The following EDA2R variants were observed in gnomAD, a reference collection of about 807,000 sequenced individuals.
EDA2R encodes the protein tumor necrosis factor receptor superfamily member 27.
EDA2R carries 26 observed loss-of-function variants against 20.1 expected under a neutral mutation model. The ratio of observed to expected loss-of-function variants is 1.30; its 90% CI spans 0.95 to 1.80. EDA2R has a LOEUF of 1.80. Ranked by LOEUF, EDA2R falls within the 40% of genes most tolerant of loss-of-function variation. The probability of loss-of-function intolerance (pLI) is 0.00; values close to 1 mark genes in which losing one functional copy is unlikely to be tolerated. For missense variants in EDA2R, 277 were observed against 228.7 expected, an observed-to-expected ratio of 1.21 and a Z score of -1.36; for synonymous variants, 114 against 88.7, an observed-to-expected ratio of 1.29 and a Z score of -1.60.
intron 3 of EDA2R, 85 bp downstream of exon 3, chrX:66,604,963 G>A (rs979199177): frequency 3.4e-5 from 28 of 831,664 alleles, no homozygotes; most frequent in East Asian, 1.7e-4. Flanking sequence ...AGAATATTTC[G>A]ACTAAGTTCT....
chrX:66,614,192 G>C (rs1230324242), intron 2 of EDA2R, among the ~76,000 whole-genome samples: 1 of 111,436 alleles, frequency 9.0e-6, no homozygotes, highest in Non-Finnish European at 1.9e-5. Context: ...TCCTGACTTT[G>C]ACTATTGTAT....
chrX:66,608,066 A>G (rs754082371), intron 2 of EDA2R, among the ~76,000 whole-genome samples: 1 of 112,262 alleles, frequency 8.9e-6, no homozygotes, highest in East Asian at 2.8e-4. Flanking sequence ...GGAGCTAAAA[A>G]GTAAGATAAA....
At chrX:66,633,026 G>A (rs968738279) in intron 1 of EDA2R, among the ~76,000 whole-genome samples, 1 of 111,264 alleles carries the variant, frequency 9.0e-6, no homozygotes, top group South Asian at 3.9e-4. Context: ...AGAGCAAGAG[G>A]TAAAGCCCCA....
chrX:66,612,859 T>A (rs1464790884), intron 2 of EDA2R, among the ~76,000 whole-genome samples: 1 of 111,321 alleles, frequency 9.0e-6, no homozygotes, highest in South Asian at 3.7e-4. Context: ...AAAAATTTAT[T>A]GAGAATTCTC....
Position 66,599,849 on chromosome X carries a change from G to T in EDA2R, c.529C>A (p.Gln177Lys). The change falls in exon 6 of 7, where the codon CAG (glutamine) becomes AAG (lysine). Residue 177 changes from glutamine to lysine, a missense_variant. Physicochemically the swap from Gln to Lys is moderately conservative, Grantham distance 53 (BLOSUM62 1). Coordinates refer to ENST00000374719, the MANE Select transcript of EDA2R (RefSeq NM_021783.5). Reference protein sequence around the residue: ...NRHCQRGGLLQFEADKTAKEE... With the variant: ...NRHCQRGGLLKFEADKTAKEE... Reference sequence around the variant, plus strand: ...TTTGCTGTTTTATCAGCCTCAAACTGCAGCAAACCTCCTGCAACTCGAAGC... The same window carrying T: ...TTTGCTGTTTTATCAGCCTCAAACTTCAGCAAACCTCCTGCAACTCGAAGC... The T allele has an allele frequency of 8.3e-7, 1 of 1,204,504 alleles. No homozygotes were observed. Among genetic ancestry groups the T allele is most frequent in the South Asian group, 1.8e-5 (1 of 55,392 alleles).
chrX:66,596,013 A>G lies in EDA2R; in HGVS notation c.*2091T>C, dbSNP rs182761897. On this transcript the variant is annotated 3_prime_UTR_variant, in exon 7 of 7. Transcript: ENST00000374719. ...AAAATCCAAGTCAAGGTATATGGAG[A>G]GAAAAACAGTAATCCAAAAAAAAAA... is the stretch of plus-strand genomic sequence containing the variant. 1 of 108,555 alleles carries G rather than the reference A, an allele frequency of 9.2e-6. No homozygotes were observed. The highest frequency in any genetic ancestry group is 1.9e-5 in the Non-Finnish European group (1 of 52,166). 8.9% of individuals were successfully genotyped at this position (108,555 alleles called of 1,213,427 possible).
Position 66,598,019 on chromosome X carries a change from C to T in EDA2R, c.*85G>A. On this transcript the variant is annotated 3_prime_UTR_variant, in exon 7 of 7. Transcript: ENST00000374719. ...GCTCTTGTGGACATCACATTTCAGGCCCCTGCTGCTGTTGTGGTATAGGAA... is the reference window on the plus strand; with the variant it reads ...GCTCTTGTGGACATCACATTTCAGGTCCCTGCTGCTGTTGTGGTATAGGAA... 1.0e-6 allele frequency: 1 copy of T among 967,064 alleles called. No homozygotes were observed. Among genetic ancestry groups the T allele is most frequent in the Non-Finnish European group, 1.3e-6 (1 of 753,379 alleles). 79.7% of individuals were successfully genotyped at this position (967,064 alleles called of 1,213,427 possible).
intron 1 of EDA2R, among the ~76,000 whole-genome samples, chrX:66,633,395 G>A (rs1467746176): frequency 8.9e-6 from 1 of 111,857 alleles, no homozygotes; most frequent in Non-Finnish European, 1.9e-5. Flanking sequence ...GCAAACTCTA[G>A]GCTGATTTTG....
chrX:66,630,960 C>T (rs749132370), intron 1 of EDA2R, among the ~76,000 whole-genome samples: 1 of 108,861 alleles, frequency 9.2e-6, no homozygotes, highest in Non-Finnish European at 1.9e-5. Context: ...TGTGTGTATA[C>T]ATACATATAT....
chrX:66,615,982 T>G lies in EDA2R; in HGVS notation c.39A>C (p.Gly13=). ...CQENEYWDQW[G]RCVTCQRCGP... ...CACACCGTTGGCAGGTGACACACCG[T>G]CCCCATTGGTCCCAGTACTCATTTT... The change falls in exon 2 of 7, where the codon GGA becomes GGC. Residue 13 remains glycine, a synonymous_variant. Transcript: ENST00000374719. 8.3e-7 allele frequency: 1 copy of G among 1,210,129 alleles called. No individual in the cohort carries two copies. Among genetic ancestry groups the G allele is most frequent in the Non-Finnish European group, 1.1e-6 (1 of 894,577 alleles).
intron 4 of EDA2R, among the ~76,000 whole-genome samples, chrX:66,603,914 T>TA (rs1025301064): frequency 5.3e-5 from 6 of 112,186 alleles, no homozygotes; most frequent in African/African-American, 1.6e-4. Context: ...TTTCATGATT[T>TA]AAAAAATATG....
chrX:66,635,814 A>C (rs1450727765), intron 1 of EDA2R, among the ~76,000 whole-genome samples: 1 of 112,466 alleles, frequency 8.9e-6, no homozygotes, highest in East Asian at 2.8e-4. Flanking sequence ...TATATAAATA[A>C]ATCTGCAATT....
At chrX:66,598,376 A>G (rs1373429263) in intron 6 of EDA2R, among the ~76,000 whole-genome samples, 3 of 111,892 alleles carry the variant, frequency 2.7e-5, no homozygotes, top group African/African-American at 9.8e-5. Context: ...GGCTATCTTA[A>G]AGCAGAGGAA....
Position 66,636,939 on chromosome X carries a change from AAC to A in EDA2R, c.-11+2054_-11+2055del, listed in dbSNP as rs35284589. On this transcript the variant is annotated intron_variant, in intron 1 of 6. Coordinates refer to ENST00000374719, the MANE Select transcript of EDA2R (RefSeq NM_021783.5). ...CAGTAGTACCTCAGACTGTGTGTAA[AAC>A]ACACACACACACACACACACACACA... Among the ~76,000 whole-genome samples the A allele has an allele frequency of 6.1e-3, 606 of 99,715 alleles. 3 individuals are homozygous for A. The highest frequency in any genetic ancestry group is 0.015 in the African/African-American group (413 of 28,448). The allele number at this position is 99,715 out of a possible 115,157, so 86.6% of individuals were successfully genotyped here.
chrX:66,626,568 G>C (rs1602303755), intron 1 of EDA2R, among the ~76,000 whole-genome samples: 1 of 110,728 alleles, frequency 9.0e-6, no homozygotes. Flanking sequence ...AGGAAGAAGA[G>C]AAATCTAAAA....
At chrX:66,632,039 A>G (rs897623193) in intron 1 of EDA2R, among the ~76,000 whole-genome samples, 3 of 111,913 alleles carry the variant, frequency 2.7e-5, no homozygotes, top group Admixed American at 1.9e-4. Context: ...CACTGAAAAA[A>G]AAATCCTACG....
intron 1 of EDA2R, among the ~76,000 whole-genome samples, chrX:66,635,552 C>T (rs976759561): frequency 8.0e-5 from 9 of 112,546 alleles, no homozygotes; most frequent in Non-Finnish European, 1.7e-4. Context: ...AAGGAATTCT[C>T]TCAAAGAGGG....
chrX:66,602,525 A>C, intron 5 of EDA2R, 108 bp downstream of exon 5: 1 of 904,428 alleles, frequency 1.1e-6, no homozygotes, highest in Non-Finnish European at 1.5e-6. Flanking sequence ...TGGGGTTTTC[A>C]AGCATGGTAG....
At position 66,599,408 on chromosome X, in the gene EDA2R, T is replaced by A; in HGVS notation, c.*10+66A>T. The A allele has an allele frequency of 3.8e-6, 4 of 1,046,996 alleles. No individual in the cohort carries two copies. The South Asian group carries it at 1.0e-4, about 26-fold the overall frequency. The allele number at this position is 1,046,996 out of a possible 1,213,427, so 86.3% of individuals were successfully genotyped here. On this transcript the variant is annotated intron_variant, in intron 6 of 6. Transcript: ENST00000374719. The stretch of plus-strand genomic sequence containing the variant: ...TAATACTATTCCAAAAGAGAATTCC[T>A]TGAGGTTAGTCCTTAATTTCTGTTT...
Sources: gnomAD v4.1 joint callset for allele counts (sites outside exome capture counted in the v4.1 genomes callset) on GRCh38, gnomAD v4.1.1 for gene constraint, MANE v1.5 for transcripts, NCBI Gene and HGNC (gene_info 2026-07-23, HGNC 2026-07-21) for gene names.